RGS7: variants seen among roughly 807,000 people sequenced by gnomAD.
The protein encoded by RGS7 is regulator of G-protein signaling 7.
A neutral mutation model predicts 81.1 loss-of-function variants in RGS7; 27 were observed. That is an observed-to-expected ratio of 0.33 (90% CI 0.25 to 0.46). The LOEUF (loss-of-function observed/expected upper bound fraction) is 0.46, where lower values mean the gene tolerates loss of function less well. Among genes scored for constraint, RGS7 ranks in the 20% least tolerant of loss-of-function variants. RGS7 has a pLI of 1.00. For synonymous variants in RGS7, 208 were observed against 207.7 expected (o/e 1.00, Z -0.01); for missense variants, 396 against 607.4 (o/e 0.65, Z 3.66).
At chr1:240,813,830 T>C in intron 12 of RGS7, 102 bp from the exon 13 acceptor site, 1 of 757,364 alleles carries the variant, frequency 1.3e-6, no homozygotes. Flanking sequence ...CAAGGAATCC[T>C]TGTTCACTTA....
chr1:240,943,540 A>G (rs1677959695), intron 4 of RGS7, among the ~76,000 whole-genome samples: 1 of 152,216 alleles, frequency 6.6e-6, no homozygotes, highest in Non-Finnish European at 1.5e-5. Context: ...AAACATTAGT[A>G]GCTAGTGTTG....
chr1:241,268,702 GC>G, intron 2 of RGS7, among the ~76,000 whole-genome samples: 1 of 152,194 alleles, frequency 6.6e-6, no homozygotes, highest in East Asian at 1.9e-4. Flanking sequence ...GGTATCTAGA[GC>G]CCCCAGTCAT....
chr1:240,811,786 G>A (rs1558289298), intron 14 of RGS7, 132 bp downstream of exon 14: 1 of 843,378 alleles, frequency 1.2e-6, no homozygotes, highest in Non-Finnish European at 2.0e-6. Context: ...TCATTAGGTG[G>A]CAGAAATTCA....
intron 4 of RGS7, among the ~76,000 whole-genome samples, chr1:240,947,093 A>G (rs1399089085): frequency 1.3e-5 from 2 of 152,292 alleles, no homozygotes; most frequent in East Asian, 3.9e-4. Flanking sequence ...TGGATCAGTA[A>G]TCTTGGTGGA....
chr1:241,293,577 T>TA (rs1297784206), intron 2 of RGS7, among the ~76,000 whole-genome samples: 10 of 151,802 alleles, frequency 6.6e-5, no homozygotes, highest in African/African-American at 1.7e-4. Flanking sequence ...TAGTTTTTAA[T>TA]AAAAAAAGTT....
At chr1:241,223,688 C>T (rs1454093788) in intron 2 of RGS7, among the ~76,000 whole-genome samples, 1 of 147,786 alleles carries the variant, frequency 6.8e-6, no homozygotes, top group Non-Finnish European at 1.5e-5. Flanking sequence ...AGGGTTAAAT[C>T]AGGATCATAA....
chr1:241,158,907 A>C (rs2069398471), intron 2 of RGS7, among the ~76,000 whole-genome samples: 1 of 152,202 alleles, frequency 6.6e-6, no homozygotes, highest in Non-Finnish European at 1.5e-5. Context: ...TGAAAATCAT[A>C]AAAATCAATT....
In RGS7 at chr1:241,164,458, C is replaced by T. The variant is rs1360657142; in HGVS notation, c.79-65696G>A. Among the ~76,000 whole-genome samples the T allele has an allele frequency of 6.6e-6, 1 of 152,096 alleles. No individual in the cohort carries two copies. Among genetic ancestry groups the T allele is most frequent in the African/African-American group, 2.4e-5 (1 of 41,428 alleles). ...TCCCCATCCTGAAGCCACCTAGGGA[C>T]TGCCAGCCATCAGCCAACTCATTAG... On this transcript the variant is annotated intron_variant, in intron 2 of 18. Coordinates refer to ENST00000440928, the MANE Select transcript of RGS7 (RefSeq NM_001364886.1). This position sits in a 1 kb window ranked among gnomAD's most constrained non-coding sequence, Gnocchi z 4.1.
chr1:241,292,958 C>G (rs2079171581), intron 2 of RGS7, among the ~76,000 whole-genome samples: 1 of 152,130 alleles, frequency 6.6e-6, no homozygotes, highest in African/African-American at 2.4e-5. Flanking sequence ...TCTCAAATAC[C>G]ATTAAACGCA....
chr1:241,262,272 C>T (rs2077376126), intron 2 of RGS7, among the ~76,000 whole-genome samples: 2 of 152,168 alleles, frequency 1.3e-5, no homozygotes, highest in South Asian at 2.1e-4. Context: ...GCCATTGTTG[C>T]AGTTCTTAAA....
intron 3 of RGS7, among the ~76,000 whole-genome samples, chr1:241,035,147 G>A (rs2060262468): frequency 6.6e-6 from 1 of 152,108 alleles, no homozygotes; most frequent in African/African-American, 2.4e-5. Context: ...TGGCAGTATA[G>A]AGCTAGAATA....
At position 241,090,027 on chromosome 1, in the gene RGS7, G is replaced by A. The variant is rs1305134683; in HGVS notation, c.175+8639C>T. Among the ~76,000 whole-genome samples, 6 of 150,496 alleles carry A rather than the reference G, an allele frequency of 4.0e-5. No individual in the cohort carries two copies. The East Asian group carries it at 9.7e-4, about 24-fold the overall frequency. On this transcript the variant is annotated intron_variant, in intron 3 of 18. Transcript: ENST00000440928. ...AAAAAAAAAAAGAGAGAGAGAACAG[G>A]AAAACTTTTTTTCTTCCATAGGGAT... is the stretch of plus-strand genomic sequence containing the variant.
chr1:240,814,674 T>C (rs1690480770), intron 12 of RGS7, 42 bp downstream of exon 12: 1 of 1,191,506 alleles, frequency 8.4e-7, no homozygotes, highest in African/African-American at 1.5e-5. Flanking sequence ...GTAATTGTCA[T>C]ATGAAATTTT....
chr1:240,930,423 G>C (rs544280166), intron 6 of RGS7, among the ~76,000 whole-genome samples: 1 of 152,004 alleles, frequency 6.6e-6, no homozygotes, highest in South Asian at 2.1e-4. Flanking sequence ...ATTCTTTCTA[G>C]TAGGCCAGGT....
chr1:240,925,899 A>G (rs1215893168), intron 6 of RGS7, among the ~76,000 whole-genome samples: 1 of 151,966 alleles, frequency 6.6e-6, no homozygotes, highest in Non-Finnish European at 1.5e-5. Context: ...ATTTTCTTGT[A>G]TGTTTGCTGG....
intron 3 of RGS7, among the ~76,000 whole-genome samples, chr1:241,092,582 G>A (rs1371177000): frequency 6.6e-6 from 1 of 152,132 alleles, no homozygotes; most frequent in African/African-American, 2.4e-5. Flanking sequence ...TCAATTTGAA[G>A]ACATAATGGT....
intron 9 of RGS7, among the ~76,000 whole-genome samples, chr1:240,864,032 T>C (rs1294737109): frequency 6.6e-6 from 1 of 152,124 alleles, no homozygotes; most frequent in Non-Finnish European, 1.5e-5. Flanking sequence ...GCTCTGAACC[T>C]GAGTACGTCC....
intron 9 of RGS7, among the ~76,000 whole-genome samples, chr1:240,843,899 G>GA (rs35502770): frequency 0.67 from 102,164 of 151,360 alleles, 34,913 homozygotes; most frequent in Middle Eastern, 0.77. Context: ...AATGAACAGG[G>GA]AAAAAAAACA....
At chr1:241,207,032 G>A (rs903649576) in intron 2 of RGS7, among the ~76,000 whole-genome samples, 5 of 128,086 alleles carry the variant, frequency 3.9e-5, no homozygotes, top group African/African-American at 1.2e-4. Flanking sequence ...GCAGTGGTGC[G>A]ATCTGGGCTC....
Sources: allele counts gnomAD v4.1 joint callset (sites outside exome capture counted in the v4.1 genomes callset), GRCh38; gene constraint gnomAD v4.1.1; non-coding constraint Gnocchi (gnomAD v3.1); transcripts MANE v1.5; gene names NCBI Gene and HGNC (gene_info 2026-07-23, HGNC 2026-07-21).